The following CPNE3 variants were observed in gnomAD, a reference collection of about 807,000 sequenced individuals.
CPNE3 encodes copine-3.
A neutral mutation model predicts 63.9 loss-of-function variants in CPNE3; 68 were observed. The observed-to-expected ratio is 1.06, with a 90% CI of 0.87 to 1.30. The LOEUF (loss-of-function observed/expected upper bound fraction) is 1.30, where lower values mean the gene tolerates loss of function less well. Ranked by LOEUF, CPNE3 falls within the 50% of genes most tolerant of loss-of-function variation. The probability of loss-of-function intolerance (pLI) is 0.00; values close to 1 mark genes in which losing one functional copy is unlikely to be tolerated. For missense variants in CPNE3, 665 were observed against 578.1 expected, an observed-to-expected ratio of 1.15 and a Z score of -1.54; for synonymous variants, 219 against 197.5, an observed-to-expected ratio of 1.11 and a Z score of -0.91.
intron 2 of CPNE3, among the ~76,000 whole-genome samples, chr8:86,516,755 TG>T (rs1820321584): frequency 6.6e-6 from 1 of 152,232 alleles, no homozygotes; most frequent in Non-Finnish European, 1.5e-5. Flanking sequence ...GTACTATCAC[TG>T]GGCTTTTTTT....
chr8:86,532,998 G>A (rs541946278), intron 6 of CPNE3, among the ~76,000 whole-genome samples: 3 of 151,794 alleles, frequency 2.0e-5, no homozygotes, highest in East Asian at 1.9e-4. Context: ...TATATAGCAT[G>A]GATTATAATA....
chr8:86,542,624 G>T (rs1820965258), intron 8 of CPNE3, among the ~76,000 whole-genome samples: 1 of 151,382 alleles, frequency 6.6e-6, no homozygotes, highest in East Asian at 1.9e-4. Flanking sequence ...ATATACATAT[G>T]CATATGTATA....
intron 4 of CPNE3, among the ~76,000 whole-genome samples, chr8:86,529,907 G>C (rs1393254799): frequency 6.6e-6 from 1 of 151,706 alleles, no homozygotes; most frequent in Non-Finnish European, 1.5e-5. Context: ...GGTATTTTCT[G>C]TATCTCAAAA....
intron 2 of CPNE3, among the ~76,000 whole-genome samples, chr8:86,523,492 T>C (rs1820478518): frequency 6.6e-6 from 1 of 152,024 alleles, no homozygotes; most frequent in African/African-American, 2.4e-5. Flanking sequence ...CAAGTAACAA[T>C]AGTGGAAAGA....
chr8:86,530,006 A>G (rs1820634740), intron 4 of CPNE3, among the ~76,000 whole-genome samples: 1 of 152,130 alleles, frequency 6.6e-6, no homozygotes. Context: ...GGGGAAAAAA[A>G]TCCCAGTGTA....
intron 6 of CPNE3, among the ~76,000 whole-genome samples, chr8:86,533,890 C>G (rs1820742149): frequency 6.6e-6 from 1 of 151,004 alleles, no homozygotes; most frequent in South Asian, 2.1e-4. Flanking sequence ...CCCTCCCTTC[C>G]TTCCTTTGTA....
intron 14 of CPNE3, among the ~76,000 whole-genome samples, chr8:86,552,836 AAT>A: frequency 7.6e-6 from 1 of 132,148 alleles, no homozygotes; most frequent in African/African-American, 2.6e-5. Flanking sequence ...TATTATTATT[AAT>A]TTTTTTTTTT....
At chr8:86,529,226 A>G in intron 4 of CPNE3, 102 bp downstream of exon 4, 6 of 953,414 alleles carry the variant, frequency 6.3e-6, no homozygotes, top group Non-Finnish European at 9.6e-6. Flanking sequence ...GTTGAAAAAC[A>G]TGTAATCACT....
intron 6 of CPNE3, 27 bp from the exon 7 acceptor site, chr8:86,537,536 G>C (rs1342874380): frequency 7.1e-7 from 1 of 1,406,704 alleles, no homozygotes; most frequent in Non-Finnish European, 1.0e-6. Flanking sequence ...GAGAACAAAT[G>C]CTTTTTGTTG....
At chr8:86,552,966 C>CG (rs1821221648) in intron 14 of CPNE3, among the ~76,000 whole-genome samples, 1 of 14,766 alleles carries the variant, frequency 6.8e-5, no homozygotes, top group Non-Finnish European at 5.4e-4. Context: ...CAGCCCGCCC[C>CG]CCCCCCCCCC....
intron 5 of CPNE3, among the ~76,000 whole-genome samples, chr8:86,531,762 A>G (rs970774897): frequency 1.3e-5 from 2 of 152,082 alleles, no homozygotes; most frequent in African/African-American, 2.4e-5. Flanking sequence ...TATATGCTTT[A>G]TTGTATTTCA....
intron 14 of CPNE3, among the ~76,000 whole-genome samples, chr8:86,552,958 G>GCCCCC (rs1402912128): frequency 3.1e-4 from 1 of 3,232 alleles, no homozygotes; most frequent in African/African-American, 4.0e-4. Context: ...TCCTGCCACA[G>GCCCCC]CCCGCCCCCC....
intron 8 of CPNE3, among the ~76,000 whole-genome samples, chr8:86,543,776 A>G (rs967391334): frequency 6.6e-6 from 1 of 152,160 alleles, no homozygotes; most frequent in Non-Finnish European, 1.5e-5. Context: ...CAGTGTACAT[A>G]ATAAATGTTT....
At chr8:86,527,322 T>A (rs968729647) in intron 2 of CPNE3, among the ~76,000 whole-genome samples, 1 of 152,168 alleles carries the variant, frequency 6.6e-6, no homozygotes, top group Non-Finnish European at 1.5e-5. Flanking sequence ...TGGTGACACC[T>A]GCAGCCCCTT....
intron 2 of CPNE3, among the ~76,000 whole-genome samples, chr8:86,526,840 T>C (rs1178451926): frequency 6.6e-6 from 1 of 152,214 alleles, no homozygotes; most frequent in Non-Finnish European, 1.5e-5. Context: ...GTTTTCTAGC[T>C]ACTTCTAAGA....
intron 8 of CPNE3, among the ~76,000 whole-genome samples, chr8:86,542,985 G>A (rs1300716067): frequency 1.3e-5 from 2 of 151,884 alleles, no homozygotes; most frequent in Non-Finnish European, 2.9e-5. Context: ...ATATAAATTG[G>A]TGTTCCCTGA....
chr8:86,554,596 T>A lies in CPNE3; in HGVS notation c.1121-255T>A, dbSNP rs553811334. Among the ~76,000 whole-genome samples, 149 of 152,314 alleles carry A rather than the reference T, an allele frequency of 9.8e-4. 1 individual carries two copies. Among genetic ancestry groups the A allele is most frequent in the African/African-American group, 3.4e-3 (142 of 41,572 alleles). On this transcript the variant is annotated intron_variant, in intron 14 of 16. Coordinates refer to ENST00000517490, the MANE Select transcript of CPNE3 (RefSeq NM_003909.5). ...AAGCACAGATGTAACAGTCCTACCGTAGACTAATAAGTAATTTGACTGAGA... is the reference window on the plus strand; with the variant it reads ...AAGCACAGATGTAACAGTCCTACCGAAGACTAATAAGTAATTTGACTGAGA...
At chr8:86,548,247 A>T in intron 11 of CPNE3, 54 bp from the exon 12 acceptor site, 1 of 1,593,770 alleles carries the variant, frequency 6.3e-7, no homozygotes, top group South Asian at 1.1e-5. Context: ...CTGGACATCA[A>T]GCACAGGTGT....
In CPNE3 at chr8:86,516,171, C is replaced by T. The variant is rs1820303743; in HGVS notation, c.-11+672C>T. Among the ~76,000 whole-genome samples, 3 of 152,076 alleles carry T rather than the reference C, an allele frequency of 2.0e-5. No homozygotes were observed. In the South Asian group the frequency reaches 6.2e-4, roughly 31 times the overall value. On this transcript the variant is annotated intron_variant, in intron 2 of 16. Coordinates refer to ENST00000517490, the MANE Select transcript of CPNE3 (RefSeq NM_003909.5). ...GTGAGGTGGAGCTGAATTTTAGGAC[C>T]CCACAGACCAAAAGGTGCCTGGCAC...
Sources: gnomAD v4.1 joint callset for allele counts (sites outside exome capture counted in the v4.1 genomes callset) on GRCh38, gnomAD v4.1.1 for gene constraint, MANE v1.5 for transcripts, NCBI Gene and HGNC (gene_info 2026-07-23, HGNC 2026-07-21) for gene names.